APP: variants seen among roughly 807,000 people sequenced by gnomAD.
The protein encoded by APP is amyloid-beta precursor protein.
APP carries 31 observed loss-of-function variants against 101.4 expected under a neutral mutation model. The ratio of observed to expected loss-of-function variants is 0.31; its 90% CI spans 0.23 to 0.41. APP has a LOEUF of 0.41. Ranked by LOEUF, APP falls within the 10% of genes least tolerant of loss-of-function variation. APP has a pLI of 1.00. For missense variants in APP, 839 were observed against 1,003.7 expected (o/e 0.84, Z 2.22); for synonymous variants, 366 against 364.4 (o/e 1.00, Z -0.05).
At position 25,982,394 on chromosome 21, in the gene APP, G is replaced by C. The variant is rs1568804673; in HGVS notation, c.1174C>G (p.Gln392Glu). Reference protein sequence around the residue: ...PGDENEHAHFQKAKERLEAKH... With the variant: ...PGDENEHAHFEKAKERLEAKH... ...GCCTCAAGCCTCTCTTTGGCTTTCT[G>C]GAAATGGGCATGTTCATTCTCATCC... Residue 392 changes from glutamine (Q) to glutamate (E), a missense_variant, in exon 9 of 18, where the codon CAG becomes GAG. Physicochemically the swap from Gln to Glu is conservative, Grantham distance 29. Transcript: ENST00000346798. The C allele has an allele frequency of 1.2e-6, 2 of 1,613,702 alleles. No individual in the cohort carries two copies. Among genetic ancestry groups the C allele is most frequent in the Non-Finnish European group, 1.7e-6 (2 of 1,179,880 alleles).
chr21:26,143,488 T>C (rs1168420791), intron 1 of APP, among the ~76,000 whole-genome samples: 4 of 152,250 alleles, frequency 2.6e-5, no homozygotes, highest in African/African-American at 9.6e-5. Context: ...TTTTGATATA[T>C]GTATACACTG....
intron 12 of APP, 134 bp downstream of exon 12, chr21:25,955,493 A>G: frequency 7.8e-7 from 1 of 1,277,530 alleles, no homozygotes; most frequent in South Asian, 1.3e-5. Context: ...AGAATTTACC[A>G]GAAGTTAAAG....
chr21:25,921,451 T>G (rs1301908213), intron 13 of APP, among the ~76,000 whole-genome samples: 3 of 146,830 alleles, frequency 2.0e-5, no homozygotes, highest in African/African-American at 7.6e-5. Flanking sequence ...GCTGGTTTTT[T>G]GAAAGGATCA....
intron 3 of APP, among the ~76,000 whole-genome samples, chr21:26,081,179 A>G (rs2061591525): frequency 6.6e-6 from 1 of 152,176 alleles, no homozygotes; most frequent in African/African-American, 2.4e-5. Context: ...ATTACACACT[A>G]ATACTACCAC....
At chr21:25,896,153 C>A (rs1026554538) in intron 16 of APP, among the ~76,000 whole-genome samples, 2 of 151,770 alleles carry the variant, frequency 1.3e-5, no homozygotes, top group Admixed American at 6.6e-5. Context: ...TCAAGAGAAA[C>A]CCTGATCTTA....
chr21:26,068,227 C>T (rs984054967), intron 3 of APP: 1 of 152,252 alleles, frequency 6.6e-6, no homozygotes. Flanking sequence ...CTCTCACGCC[C>T]CTCACTTGTT....
intron 1 of APP, among the ~76,000 whole-genome samples, chr21:26,158,709 AT>A (rs890910796): frequency 2.1e-4 from 32 of 152,290 alleles, no homozygotes; most frequent in African/African-American, 7.5e-4. Context: ...TCCTTCACTT[AT>A]TATACCCCTG....
intron 6 of APP, among the ~76,000 whole-genome samples, chr21:26,016,897 C>G (rs1216918284): frequency 1.5e-5 from 2 of 137,664 alleles, no homozygotes; most frequent in African/African-American, 5.8e-5. Context: ...TTTTTTTCGG[C>G]CACGCATGGT....
chr21:26,042,939 AG>A (rs2045441561), intron 5 of APP, among the ~76,000 whole-genome samples: 1 of 152,100 alleles, frequency 6.6e-6, no homozygotes, highest in Non-Finnish European at 1.5e-5. Context: ...ACTTTAATAT[AG>A]TATCTGGAAC....
intron 2 of APP, among the ~76,000 whole-genome samples, chr21:26,099,546 G>A (rs1202154696): frequency 2.0e-5 from 3 of 152,140 alleles, no homozygotes; most frequent in African/African-American, 7.2e-5. Context: ...AAACTACTCG[G>A]ACTTAGGCAT....
At chr21:25,981,838 C>T (rs1254434417) in intron 9 of APP, among the ~76,000 whole-genome samples, 2 of 151,764 alleles carry the variant, frequency 1.3e-5, no homozygotes, top group African/African-American at 2.4e-5. Context: ...AATGGGAAGC[C>T]ACTCTCTCGA....
intron 16 of APP, among the ~76,000 whole-genome samples, chr21:25,894,494 CAAT>C (rs964118078): frequency 3.3e-5 from 5 of 152,056 alleles, no homozygotes; most frequent in African/African-American, 9.7e-5. Context: ...GTTTGGAAGA[CAAT>C]GATTCCAACT....
intron 2 of APP, among the ~76,000 whole-genome samples, chr21:26,104,758 C>T (rs2062141971): frequency 6.6e-6 from 1 of 152,128 alleles, no homozygotes; most frequent in Admixed American, 6.6e-5. Flanking sequence ...TCATGTTAAG[C>T]TATGCACCAA....
intron 15 of APP, among the ~76,000 whole-genome samples, chr21:25,901,314 A>T (rs1294007014): frequency 9.1e-6 from 1 of 109,864 alleles, no homozygotes; most frequent in Admixed American, 9.3e-5. Flanking sequence ...AAAAAAAAAA[A>T]AAAACAAAAC....
intron 1 of APP, among the ~76,000 whole-genome samples, chr21:26,150,597 C>CTAGATAGATAGATAGATAGATAGA (rs767289054): frequency 3.6e-5 from 3 of 83,378 alleles, no homozygotes; most frequent in Admixed American, 2.4e-4. Flanking sequence ...TGATTGACAT[C>CTAGATAGATAGATAGATAGATAGA]TAGATAGACA....
At chr21:26,000,488 G>A (rs956409515) in intron 6 of APP, among the ~76,000 whole-genome samples, 6 of 152,194 alleles carry the variant, frequency 3.9e-5, no homozygotes, top group Non-Finnish European at 7.3e-5. Context: ...GAAGGTATCT[G>A]CACATCACAA....
chr21:26,059,890 C>CAAAAAAAAAAAAAAAAAAAAAA (rs57594630), intron 3 of APP, among the ~76,000 whole-genome samples: 5 of 70,660 alleles, frequency 7.1e-5, no homozygotes, highest in East Asian at 1.1e-3. Context: ...GACTCCGTCT[C>CAAAAAAAAAAAAAAAAAAAAAA]AAAAAAAAAA....
intron 7 of APP, among the ~76,000 whole-genome samples, chr21:25,999,462 G>C (rs769966894): frequency 7.9e-5 from 12 of 152,090 alleles, no homozygotes; most frequent in Non-Finnish European, 1.6e-4. Flanking sequence ...CTACCCTCCG[G>C]CATTTGAGAT....
chr21:26,094,051 T>C (rs1364282080), intron 2 of APP, among the ~76,000 whole-genome samples: 4 of 150,578 alleles, frequency 2.7e-5, no homozygotes, highest in Non-Finnish European at 5.9e-5. Flanking sequence ...AGGAAGCGGA[T>C]GTTGCAGTGA....
Sources: gnomAD v4.1 joint callset for allele counts (sites outside exome capture counted in the v4.1 genomes callset) on GRCh38, gnomAD v4.1.1 for gene constraint, MANE v1.5 for transcripts, NCBI Gene and HGNC (gene_info 2026-07-23, HGNC 2026-07-21) for gene names.